Variants in CYP4V2 observed in about 807,000 individuals in gnomAD.
The protein encoded by CYP4V2 is cytochrome P450 4V2.
In CYP4V2, 55 loss-of-function variants were observed where a neutral mutation model predicts 60.8. That is an observed-to-expected ratio of 0.90 (90% CI 0.73 to 1.13). CYP4V2 has a LOEUF of 1.13. CYP4V2 is among the 50% of genes most tolerant of loss of function. The probability of loss-of-function intolerance (pLI) is 0.00; values close to 1 mark genes in which losing one functional copy is unlikely to be tolerated. For missense variants in CYP4V2, 675 were observed against 662.9 expected (o/e 1.02, Z -0.20); for synonymous variants, 239 against 236.8 (o/e 1.01, Z -0.08).
chr4:186,207,412 C>CAAAAA lies in CYP4V2; in HGVS notation c.1091-1444_1091-1440dup, dbSNP rs10651706. Among the ~76,000 whole-genome samples, 237 of 117,714 alleles carry CAAAAA rather than the reference C, an allele frequency of 2.0e-3. 2 individuals are homozygous for CAAAAA. Among genetic ancestry groups the CAAAAA allele is most frequent in the African/African-American group, 5.4e-3 (161 of 30,052 alleles). The allele number at this position is 117,714 out of a possible 152,430, so 77.2% of individuals were successfully genotyped here. ...GGGCAGCAGAGCAAGACTCTGTCTC[C>CAAAAA]AAAAAAAAAAAAAGAAAGAAAGAAA... is the stretch of plus-strand genomic sequence containing the variant. On this transcript the variant is annotated intron_variant, in intron 8 of 10. Transcript: ENST00000378802.
In CYP4V2 at chr4:186,198,969, GATATTTCGAAGA is replaced by G; in HGVS notation, c.691_702del (p.Phe231_Ile234del). On this transcript the variant is annotated inframe_deletion, in exon 6 of 11. Coordinates refer to ENST00000378802, the MANE Select transcript of CYP4V2 (RefSeq NM_207352.4). ...ATCCCATTTATAGAATGAGTGAGAT[GATATTTCGAAGA>G]ATAAAGATGCCCTGGCTTTGGCTTG... is the stretch of plus-strand genomic sequence containing the variant. The G allele has an allele frequency of 6.2e-7, 1 of 1,614,046 alleles. No individual in the cohort carries two copies. Among genetic ancestry groups the G allele is most frequent in the South Asian group, 1.1e-5 (1 of 91,080 alleles).
chr4:186,199,209 G>A (rs1261840304), intron 6 of CYP4V2, 126 bp downstream of exon 6: 7 of 1,018,400 alleles, frequency 6.9e-6, no homozygotes, highest in Admixed American at 4.2e-5. Flanking sequence ...CATCCCCACC[G>A]TTCATTTCCA....
chr4:186,197,585 TGTCCGTGCAGTTTATAGGTAAATGGA>T lies in CYP4V2; in HGVS notation c.662_674+13del. ...CTCAAAGTAATGATGATTCCGAGTA[TGTCCGTGCAGTTTATAGGTAAATGGA>T]GTCCTTTCAGTTATTTTAACAATTA... On this transcript the variant is annotated splice_donor_variant and splice_donor_5th_base_variant and coding_sequence_variant and intron_variant, in exon 5 of 11. Coordinates refer to ENST00000378802, the MANE Select transcript of CYP4V2 (RefSeq NM_207352.4). LOFTEE classifies it high-confidence loss of function. 1 of 1,614,256 alleles carries T rather than the reference TGTCCGTGCAGTTTATAGGTAAATGGA, an allele frequency of 6.2e-7. No homozygotes were observed. The highest frequency in any genetic ancestry group is 8.5e-7 in the Non-Finnish European group (1 of 1,180,038).
Position 186,201,321 on chromosome 4 carries a change from A to AG in CYP4V2, c.967dup (p.Val323GlyfsTer2). 1 of 1,614,160 alleles carries AG rather than the reference A, an allele frequency of 6.2e-7. No homozygotes were observed. Among genetic ancestry groups the AG allele is most frequent in the Non-Finnish European group, 8.5e-7 (1 of 1,180,018 alleles). On this transcript the variant is annotated frameshift_variant, in exon 7 of 11. Coordinates refer to ENST00000378802, the MANE Select transcript of CYP4V2 (RefSeq NM_207352.4). LOFTEE classifies it high-confidence loss of function. ...TAAGTCATGAAGATATTCGAGAAGA[A>AG]GTTGACACCTTCATGTTTGAGGTAT...
intron 10 of CYP4V2, among the ~76,000 whole-genome samples, chr4:186,209,492 A>G (rs1736641827): frequency 1.3e-5 from 2 of 152,326 alleles, no homozygotes; most frequent in South Asian, 2.1e-4. Context: ...ATAGCAAAAT[A>G]CCACAGACTG....
At chr4:186,204,223 G>A (rs1237099365) in intron 7 of CYP4V2, 1 of 177,694 alleles carries the variant, frequency 5.6e-6, no homozygotes, top group African/African-American at 2.4e-5. Flanking sequence ...AGGTGGAGAC[G>A]TTACGCTGGC....
intron 1 of CYP4V2, among the ~76,000 whole-genome samples, chr4:186,193,708 A>G (rs1292700302): frequency 6.6e-6 from 1 of 152,214 alleles, no homozygotes. Context: ...CTTTGTGCCC[A>G]GTGTTGACCT....
At position 186,192,018 on chromosome 4, in the gene CYP4V2, G is replaced by C; in HGVS notation, c.195G>C (p.Leu65=). Residue 65 remains leucine (L), a synonymous_variant, in exon 1 of 11, where the codon CTG becomes CTC. Coordinates refer to ENST00000378802, the MANE Select transcript of CYP4V2 (RefSeq NM_207352.4). ...ACCCACTGGTGGGCCACGCGCTGCTGATGAAGCCGGACGGGCGAGGTAAGG... is the reference window on the plus strand; with the variant it reads ...ACCCACTGGTGGGCCACGCGCTGCTCATGAAGCCGGACGGGCGAGGTAAGG... ...RAYPLVGHAL[L]MKPDGREFFQ... is the part of the protein sequence containing the mutation. 1 of 1,581,042 alleles carries C rather than the reference G, an allele frequency of 6.3e-7. No homozygotes were observed. The highest frequency in any genetic ancestry group is 2.3e-5 in the East Asian group (1 of 43,456).
At position 186,196,075 on chromosome 4, in the gene CYP4V2, G is replaced by T. The variant is rs199476189; in HGVS notation, c.400G>T (p.Gly134Ter). 124 of 1,613,704 alleles carry T rather than the reference G, an allele frequency of 7.7e-5. No homozygotes were observed. Among genetic ancestry groups the T allele is most frequent in the Non-Finnish European group, 9.2e-5 (109 of 1,179,722 alleles). Reference sequence around the variant, plus strand: ...GTTTTTAGAACCATGGCTTGGCCTAGGACTTCTTACAAGGTATGCCAGTGT... The same window carrying T: ...GTTTTTAGAACCATGGCTTGGCCTATGACTTCTTACAAGGTATGCCAGTGT... ...YKFLEPWLGL[G>*]LLTSTGNKWR... The change falls in exon 3 of 11, where the codon GGA becomes TGA. Residue 134 changes from glycine (G) to a stop codon, truncating the protein, a stop_gained. Transcript: ENST00000378802. LOFTEE classifies it high-confidence loss of function.
intron 7 of CYP4V2, chr4:186,204,926 A>T: frequency 2.1e-6 from 1 of 486,986 alleles, no homozygotes; most frequent in South Asian, 2.1e-5. Context: ...CCTCGTGCCC[A>T]TGGAACGCCG....
intron 7 of CYP4V2, chr4:186,204,741 GGTT>G (rs1362780913): frequency 2.4e-5 from 6 of 245,248 alleles, no homozygotes; most frequent in South Asian, 5.6e-5. Flanking sequence ...TATGAAATGA[GGTT>G]GTTGTCAATT....
At chr4:186,202,804 ACT>A (rs904137381) in intron 7 of CYP4V2, 29 of 141,946 alleles carry the variant, frequency 2.0e-4, no homozygotes, top group Admixed American at 1.2e-3. Flanking sequence ...ACGTGCATAC[ACT>A]CACACACAAA....
chr4:186,202,231 G>A (rs1736324910), intron 7 of CYP4V2: 1 of 152,214 alleles, frequency 6.6e-6, no homozygotes, highest in African/African-American at 2.4e-5. Flanking sequence ...GATGGACTAC[G>A]TTGGTGGTTT....
intron 3 of CYP4V2, 74 bp from the exon 4 acceptor site, chr4:186,196,866 T>C: frequency 6.7e-7 from 1 of 1,483,984 alleles, no homozygotes. Context: ...CTTTAATCGT[T>C]TTGGATGTTA....
At chr4:186,203,958 A>G (rs1685233085) in intron 7 of CYP4V2, 1 of 152,256 alleles carries the variant, frequency 6.6e-6, no homozygotes, top group Admixed American at 6.5e-5. Flanking sequence ...GATCTTTTAT[A>G]GAGGAAATAA....
At chr4:186,204,088 G>A (rs1736404493) in intron 7 of CYP4V2, 1 of 154,086 alleles carries the variant, frequency 6.5e-6, no homozygotes, top group African/African-American at 2.4e-5. Context: ...ATGTGCTAGG[G>A]AGATGAGGAG....
Position 186,199,870 on chromosome 4 carries a change from A to G in CYP4V2, c.801+787A>G, listed in dbSNP as rs370444705. The stretch of plus-strand genomic sequence containing the variant: ...GTATTAAAAAACTGCCTGTTTAAAT[A>G]TGTCCTTTCTTTGCTGTAAATTTTG... On this transcript the variant is annotated intron_variant, in intron 6 of 10. Coordinates refer to ENST00000378802, the MANE Select transcript of CYP4V2 (RefSeq NM_207352.4). Among the ~76,000 whole-genome samples, 16 of 152,316 alleles carry G rather than the reference A, an allele frequency of 1.1e-4. No homozygotes were observed. The East Asian group carries it at 1.5e-3, about 15-fold the overall frequency.
Position 186,196,034 on chromosome 4 carries a change from A to G in CYP4V2, c.359A>G (p.Lys120Arg), listed in dbSNP as rs771216416. 6.2e-6 allele frequency: 10 copies of G among 1,614,014 alleles called. No individual in the cohort carries two copies. Among genetic ancestry groups the G allele is most frequent in the African/African-American group, 2.7e-5 (2 of 74,944 alleles). Residue 120 changes from lysine to arginine, a missense_variant, in exon 3 of 11, where the codon AAA becomes AGA. Physicochemically the swap from Lys to Arg is conservative, Grantham distance 26 (BLOSUM62 2). Coordinates refer to ENST00000378802, the MANE Select transcript of CYP4V2 (RefSeq NM_207352.4). ...VILTSSKQID[K>R]SSMYKFLEPW... is the part of the protein sequence containing the mutation. ...TTAACTAGTTCAAAGCAAATTGACA[A>G]ATCCTCTATGTACAAGTTTTTAGAA...
chr4:186,196,769 G>A (rs1446098184), intron 3 of CYP4V2, 171 bp from the exon 4 acceptor site: 1 of 627,950 alleles, frequency 1.6e-6, no homozygotes, highest in Non-Finnish European at 2.8e-6. Flanking sequence ...ATAGATATGT[G>A]TATATCTTTG....
Sources: allele counts gnomAD v4.1 joint callset (sites outside exome capture counted in the v4.1 genomes callset), GRCh38; gene constraint gnomAD v4.1.1; transcripts MANE v1.5; gene names NCBI Gene and HGNC (gene_info 2026-07-23, HGNC 2026-07-21).